CSMD3: variants seen among roughly 807,000 people sequenced by gnomAD.
CSMD3 encodes the protein CUB and sushi domain-containing protein 3.
CSMD3 carries 177 observed loss-of-function variants against 435.2 expected under a neutral mutation model. That is an observed-to-expected ratio of 0.41 (90% CI 0.36 to 0.46). CSMD3 has a LOEUF of 0.46. Ranked by LOEUF, CSMD3 falls within the 20% of genes least tolerant of loss-of-function variation. The pLI is 0.34. For missense variants in CSMD3, 4,265 were observed against 4,504.6 expected, an observed-to-expected ratio of 0.95 and a Z score of 1.52; for synonymous variants, 1,656 against 1,520.5, an observed-to-expected ratio of 1.09 and a Z score of -2.07.
At chr8:113,172,262 G>A (rs2092280914) in intron 4 of CSMD3, among the ~76,000 whole-genome samples, 1 of 152,118 alleles carries the variant, frequency 6.6e-6, no homozygotes, top group Non-Finnish European at 1.5e-5. Context: ...GAGTAATCTA[G>A]AGCAATTATT....
intron 22 of CSMD3, among the ~76,000 whole-genome samples, chr8:112,605,473 G>A (rs1832716323): frequency 6.6e-6 from 1 of 152,072 alleles, no homozygotes; most frequent in African/African-American, 2.4e-5. Flanking sequence ...CATGTTCTCT[G>A]CAACAACATG....
At chr8:113,351,142 C>A (rs1218309146) in intron 1 of CSMD3, among the ~76,000 whole-genome samples, 1 of 152,100 alleles carries the variant, frequency 6.6e-6, no homozygotes, top group African/African-American at 2.4e-5. Context: ...TATCACAGCA[C>A]TCACCTTGGT....
chr8:112,491,842 A>G (rs1268254134), intron 31 of CSMD3, among the ~76,000 whole-genome samples: 1 of 152,162 alleles, frequency 6.6e-6, no homozygotes, highest in Admixed American at 6.5e-5. Flanking sequence ...CCTAGATGAT[A>G]TCACTTCTGT....
At chr8:112,390,635 G>A in intron 36 of CSMD3, 29 bp downstream of exon 36, 1 of 1,584,428 alleles carries the variant, frequency 6.3e-7, no homozygotes, top group Non-Finnish European at 8.7e-7. Context: ...CACATACAAT[G>A]AAAAGAAGAA....
chr8:113,089,310 G>T (rs570767633), intron 5 of CSMD3, among the ~76,000 whole-genome samples: 2 of 152,256 alleles, frequency 1.3e-5, no homozygotes, highest in African/African-American at 4.8e-5. Flanking sequence ...ATGCCAAAGG[G>T]TGTCATTTTT....
chr8:112,958,532 C>A (rs541981358), intron 7 of CSMD3, among the ~76,000 whole-genome samples: 34 of 152,180 alleles, frequency 2.2e-4, no homozygotes, highest in African/African-American at 8.2e-4. Context: ...GTGGCGTCTT[C>A]CAGGTTGTCC....
intron 47 of CSMD3, among the ~76,000 whole-genome samples, chr8:112,314,960 T>C (rs1188336923): frequency 6.6e-6 from 1 of 151,972 alleles, no homozygotes; most frequent in African/African-American, 2.4e-5. Flanking sequence ...GCCTGTCTTA[T>C]CTATGTCCTT....
At chr8:112,239,899 C>T (rs1221815048) in intron 66 of CSMD3, among the ~76,000 whole-genome samples, 1 of 151,996 alleles carries the variant, frequency 6.6e-6, no homozygotes, top group African/African-American at 2.4e-5. Flanking sequence ...ACATTGATTT[C>T]TGCCCTGCTA....
intron 1 of CSMD3, among the ~76,000 whole-genome samples, chr8:113,431,557 T>G (rs2094673365): frequency 6.6e-6 from 1 of 152,164 alleles, no homozygotes; most frequent in African/African-American, 2.4e-5. Flanking sequence ...TGAAGGTATT[T>G]TATATCCTTA....
rs116144118 is a variant in CSMD3, at chr8:112,244,431, G to A, written c.10365C>T (p.Ser3455=). The A allele has an allele frequency of 7.2e-4, 1,096 of 1,524,382 alleles. 5 individuals carry two copies. In the African/African-American group the frequency reaches 0.013, roughly 18 times the overall value. The allele number at this position is 1,524,382 out of a possible 1,614,324, so 94.4% of individuals were successfully genotyped here. A position where few individuals can be genotyped will look rare whatever the true frequency, so the allele number is the denominator to read the frequency against. Residue 3455 remains serine, a synonymous_variant, in exon 65 of 71, where the codon TCC becomes TCT. Transcript: ENST00000297405. ...GAACTTTTCCAGTCCAGGTGTTATC[G>A]GATCTACACACTCTATGTTCTGTTC... ...AGGTEHRVCR[S]DNTWTGKVPI...
Position 112,775,777 on chromosome 8 carries a change from C to A in CSMD3, c.1972+24385G>T, listed in dbSNP as rs980481387. Among the ~76,000 whole-genome samples the A allele has an allele frequency of 2.0e-5, 3 of 151,846 alleles. No homozygotes were observed. In the East Asian group the frequency reaches 5.8e-4, roughly 29 times the overall value. On this transcript the variant is annotated intron_variant, in intron 13 of 70. Transcript: ENST00000297405. ...CAATATATTTGTATTTCCTAAGCAC[C>A]CATTGTGTGTTTTAACTATCTTCCA...
chr8:113,246,012 T>C (rs2093272582), intron 3 of CSMD3, among the ~76,000 whole-genome samples: 1 of 152,046 alleles, frequency 6.6e-6, no homozygotes. Context: ...ATTAGTTGTT[T>C]TTCTTTTACT....
At chr8:113,251,871 T>TA (rs1203507990) in intron 3 of CSMD3, among the ~76,000 whole-genome samples, 1 of 152,070 alleles carries the variant, frequency 6.6e-6, no homozygotes, top group East Asian at 1.9e-4. Flanking sequence ...AATTAAAAAG[T>TA]AAATTGTATA....
chr8:112,492,210 G>T (rs1820770352), intron 31 of CSMD3, among the ~76,000 whole-genome samples: 1 of 152,086 alleles, frequency 6.6e-6, no homozygotes, highest in African/African-American at 2.4e-5. Context: ...AGTCCTGAAG[G>T]CACACAAATT....
At chr8:113,425,310 AT>A (rs2094629851) in intron 1 of CSMD3, among the ~76,000 whole-genome samples, 2 of 151,518 alleles carry the variant, frequency 1.3e-5, no homozygotes, top group Non-Finnish European at 1.5e-5. Context: ...AATTAATTTG[AT>A]ATTTACATGA....
intron 56 of CSMD3, among the ~76,000 whole-genome samples, chr8:112,290,446 G>A (rs890349877): frequency 2.0e-5 from 3 of 151,922 alleles, no homozygotes; most frequent in Non-Finnish European, 2.9e-5. Context: ...AGCTACATAA[G>A]AATAAGTAAG....
At chr8:112,509,816 T>G (rs1822911087) in intron 28 of CSMD3, among the ~76,000 whole-genome samples, 2 of 152,178 alleles carry the variant, frequency 1.3e-5, no homozygotes, top group Admixed American at 6.5e-5. Flanking sequence ...ATCTTCTAAT[T>G]TTTATACCCT....
intron 10 of CSMD3, among the ~76,000 whole-genome samples, chr8:112,907,395 G>C (rs1004017368): frequency 1.3e-5 from 2 of 151,374 alleles, no homozygotes; most frequent in East Asian, 1.9e-4. Context: ...AAATAACATA[G>C]AGCTGGAAAT....
intron 10 of CSMD3, among the ~76,000 whole-genome samples, chr8:112,872,474 A>G (rs2081163282): frequency 1.3e-5 from 2 of 152,058 alleles, no homozygotes; most frequent in Admixed American, 1.3e-4. Context: ...GAATCAGATA[A>G]ATTTGATAAA....
Sources: allele counts gnomAD v4.1 joint callset (sites outside exome capture counted in the v4.1 genomes callset), GRCh38; gene constraint gnomAD v4.1.1; transcripts MANE v1.5; gene names NCBI Gene and HGNC (gene_info 2026-07-23, HGNC 2026-07-21).